Variants in SLC4A4 observed in about 807,000 individuals in gnomAD.
SLC4A4 encodes electrogenic sodium bicarbonate cotransporter 1.
In SLC4A4, 27 loss-of-function variants were observed where a neutral mutation model predicts 111.5. The observed-to-expected ratio is 0.24, with a 90% CI of 0.18 to 0.33. SLC4A4 has a LOEUF of 0.33. Ranked by LOEUF, SLC4A4 falls within the 10% of genes least tolerant of loss-of-function variation. The pLI is 1.00. For missense variants in SLC4A4, 909 were observed against 1,315.5 expected, an observed-to-expected ratio of 0.69 and a Z score of 4.78; for synonymous variants, 443 against 463.4, an observed-to-expected ratio of 0.96 and a Z score of 0.57.
At chr4:71,379,970 C>T (rs1018294342) in intron 6 of SLC4A4, among the ~76,000 whole-genome samples, 1 of 152,028 alleles carries the variant, frequency 6.6e-6, no homozygotes, top group African/African-American at 2.4e-5. Context: ...GATACACAGA[C>T]ACTTCATAAA....
chr4:71,559,968 T>C, intron 22 of SLC4A4, 125 bp from the exon 23 acceptor site: 2 of 746,152 alleles, frequency 2.7e-6, no homozygotes, highest in Non-Finnish European at 4.8e-6. Flanking sequence ...CAAGATCAGG[T>C]CTGTCATACT....
intron 7 of SLC4A4, among the ~76,000 whole-genome samples, chr4:71,409,043 G>A (rs180894792): frequency 1.4e-4 from 21 of 152,334 alleles, no homozygotes; most frequent in African/African-American, 4.3e-4. Flanking sequence ...CATGTAAGAA[G>A]TGCCTTTCAC....
intron 6 of SLC4A4, among the ~76,000 whole-genome samples, chr4:71,362,850 T>C (rs1730916147): frequency 1.3e-5 from 2 of 152,214 alleles, no homozygotes; most frequent in South Asian, 2.1e-4. Flanking sequence ...CCTAGGCTTC[T>C]TGCTGCTTTC....
intron 14 of SLC4A4, among the ~76,000 whole-genome samples, chr4:71,482,890 A>G (rs1729012383): frequency 6.6e-6 from 1 of 151,502 alleles, no homozygotes; most frequent in Non-Finnish European, 1.5e-5. Flanking sequence ...CTTGCTACCA[A>G]CTCTGCTTCT....
At chr4:71,466,728 A>G in intron 13 of SLC4A4, 151 bp downstream of exon 13, 1 of 768,982 alleles carries the variant, frequency 1.3e-6, no homozygotes, top group Non-Finnish European at 2.1e-6. Context: ...GGCCTTAGCA[A>G]TTAGGTAGTC....
At chr4:71,340,626 C>A (rs1325108745) in intron 4 of SLC4A4, among the ~76,000 whole-genome samples, 1 of 151,984 alleles carries the variant, frequency 6.6e-6, no homozygotes, top group Non-Finnish European at 1.5e-5. Flanking sequence ...TTTTAAATAT[C>A]CAGCTGAAAG....
At chr4:71,520,897 T>C (rs1345658705) in intron 16 of SLC4A4, among the ~76,000 whole-genome samples, 3 of 152,070 alleles carry the variant, frequency 2.0e-5, no homozygotes, top group African/African-American at 7.2e-5. Flanking sequence ...CTGTGTTACC[T>C]AGCTTGATCT....
intron 2 of SLC4A4, among the ~76,000 whole-genome samples, chr4:71,176,372 A>C (rs1016378610): frequency 6.6e-6 from 1 of 152,200 alleles, no homozygotes; most frequent in South Asian, 2.1e-4. Context: ...CAGGTGATCA[A>C]ACTACTCCGA....
At chr4:71,286,259 C>T (rs1444858680) in intron 3 of SLC4A4, among the ~76,000 whole-genome samples, 1 of 152,088 alleles carries the variant, frequency 6.6e-6, no homozygotes, top group Admixed American at 6.6e-5. Flanking sequence ...GTTCAGATTT[C>T]TGGGCTTCAC....
intron 3 of SLC4A4, among the ~76,000 whole-genome samples, chr4:71,269,228 T>A (rs1722520988): frequency 6.6e-6 from 1 of 152,206 alleles, no homozygotes; most frequent in Non-Finnish European, 1.5e-5. Flanking sequence ...ATATTCAAAA[T>A]TAGAAAATTA....
intron 3 of SLC4A4, among the ~76,000 whole-genome samples, chr4:71,297,509 AACACACACACACACACAC>A (rs61184918): frequency 1.5e-4 from 20 of 132,134 alleles, no homozygotes; most frequent in Admixed American, 1.1e-3. Flanking sequence ...CACACAGACA[AACACACACACACACACAC>A]ACACACACAC....
chr4:71,515,872 T>TCTTATAAGTAGCATATAGTTAGATGCTA (rs2149182857), intron 16 of SLC4A4, among the ~76,000 whole-genome samples: 1 of 152,194 alleles, frequency 6.6e-6, no homozygotes, highest in Non-Finnish European at 1.5e-5. Flanking sequence ...AAGGTGAGTT[T>TCTTATAAGTAGCATATAGTTAGATGCTA]CTTATAAGTA....
At position 71,421,750 on chromosome 4, in the gene SLC4A4, A is replaced by G. The variant is rs1347869573; in HGVS notation, c.808-18866A>G. Among the ~76,000 whole-genome samples the G allele has an allele frequency of 2.0e-5, 3 of 152,274 alleles. No homozygotes were observed. The East Asian group carries it at 5.8e-4, about 29-fold the overall frequency. On this transcript the variant is annotated intron_variant, in intron 7 of 25. Transcript: ENST00000264485. Reference sequence around the variant, plus strand: ...CCTGAATGACTACTGGGTACATAACAAAAGGAAGGCAGAAATAAAGATGTT... The same window carrying G: ...CCTGAATGACTACTGGGTACATAACGAAAGGAAGGCAGAAATAAAGATGTT...
intron 20 of SLC4A4, among the ~76,000 whole-genome samples, chr4:71,550,418 C>A (rs938836823): frequency 2.7e-4 from 41 of 151,846 alleles, no homozygotes; most frequent in Admixed American, 4.6e-4. Context: ...CAGGAAGAAG[C>A]AGATATTGAG....
chr4:71,140,158 G>A (rs1012077280), intron 2 of SLC4A4, among the ~76,000 whole-genome samples: 5 of 152,258 alleles, frequency 3.3e-5, no homozygotes, highest in Admixed American at 6.5e-5. Flanking sequence ...AGTGGCTCAC[G>A]CTTGTAATCC....
intron 6 of SLC4A4, among the ~76,000 whole-genome samples, chr4:71,394,362 A>G (rs866467529): frequency 1.7e-4 from 26 of 152,178 alleles, no homozygotes; most frequent in Middle Eastern, 3.2e-3. Flanking sequence ...ACGGTTCTCA[A>G]AAGAAGATAT....
intron 7 of SLC4A4, among the ~76,000 whole-genome samples, chr4:71,421,455 G>A (rs917839217): frequency 2.6e-5 from 4 of 152,114 alleles, no homozygotes; most frequent in Non-Finnish European, 5.9e-5. Flanking sequence ...AGGATATCCA[G>A]GAATTGAATT....
At chr4:71,264,441 G>A (rs181135973) in intron 3 of SLC4A4, among the ~76,000 whole-genome samples, 196 of 152,122 alleles carry the variant, frequency 1.3e-3, no homozygotes, top group African/African-American at 4.6e-3. Context: ...TCATTTATGA[G>A]GCTTTGTGTA....
Position 71,217,479 on chromosome 4 carries a change from C to T in SLC4A4, c.-1-19097C>T, listed in dbSNP as rs920362272. 3.9e-5 allele frequency among the ~76,000 whole-genome samples: 6 copies of T among 152,136 alleles called. No individual in the cohort carries two copies. The East Asian group carries it at 7.7e-4, about 20-fold the overall frequency. ...TTGGGAGGCTGAGACAGGAGAATTG[C>T]TTGAACCTGGGAGGTGGAGATTGTC... On this transcript the variant is annotated intron_variant, in intron 1 of 25. Transcript: ENST00000264485.
Sources: gnomAD v4.1 joint callset for allele counts (sites outside exome capture counted in the v4.1 genomes callset) on GRCh38, gnomAD v4.1.1 for gene constraint, MANE v1.5 for transcripts, NCBI Gene and HGNC (gene_info 2026-07-23, HGNC 2026-07-21) for gene names.